The following C11orf58 variants were observed in gnomAD, a reference collection of about 807,000 sequenced individuals.
C11orf58 encodes the protein small acidic protein.
In C11orf58, 5 loss-of-function variants were observed where a neutral mutation model predicts 22.7. That is an observed-to-expected ratio of 0.22 (90% CI 0.12 to 0.46). The LOEUF (loss-of-function observed/expected upper bound fraction) is 0.46. Ranked by LOEUF, C11orf58 falls within the 20% of genes least tolerant of loss-of-function variation. The probability of loss-of-function intolerance (pLI) is 0.99; values close to 1 mark genes in which losing one functional copy is unlikely to be tolerated. For synonymous variants in C11orf58, 71 were observed against 70.7 expected (o/e 1.00, Z -0.02); for missense variants, 151 against 223.3 (o/e 0.68, Z 2.06).
rs934549509 is a variant in C11orf58 at position 16,757,516 on chromosome 11, A to C, written c.*2412A>C. 2.0e-5 allele frequency among the ~76,000 whole-genome samples: 3 copies of C among 152,236 alleles called. No homozygotes were observed. The highest frequency in any genetic ancestry group is 7.2e-5 in the African/African-American group (3 of 41,462). ...TGGCCTGGTTTCCTAGCACCCATTAAACATAATGCTATCTTTTAAGCCTGA... is the reference window on the plus strand; with the variant it reads ...TGGCCTGGTTTCCTAGCACCCATTACACATAATGCTATCTTTTAAGCCTGA... On this transcript the variant is annotated 3_prime_UTR_variant, in exon 5 of 5. Coordinates refer to ENST00000228136, the MANE Select transcript of C11orf58 (RefSeq NM_014267.6).
In C11orf58 at chr11:16,752,840, G is replaced by A; in HGVS notation, c.264G>A (p.Met88Ile). The change falls in exon 4 of 5, where the codon ATG (methionine) becomes ATA (isoleucine). Residue 88 changes from methionine to isoleucine, a missense_variant. Physicochemically the swap from Met to Ile is conservative, Grantham distance 10 (BLOSUM62 1). Transcript: ENST00000228136. ...EELESQYQQS[M>I]DSKLSGRYRR... Reference sequence around the variant, plus strand: ...TGGAGTCTCAATATCAGCAAAGTATGGACAGTAAATTATCAGGAAGATATC... The same window carrying A: ...TGGAGTCTCAATATCAGCAAAGTATAGACAGTAAATTATCAGGAAGATATC... 6.2e-7 allele frequency: 1 copy of A among 1,613,270 alleles called. No homozygotes were observed. Among genetic ancestry groups the A allele is most frequent in the East Asian group, 2.2e-5 (1 of 44,802 alleles).
At chr11:16,754,059 G>T in intron 4 of C11orf58, 1 of 412,056 alleles carries the variant, frequency 2.4e-6, no homozygotes, top group East Asian at 3.5e-5. Flanking sequence ...TTTCATTTAG[G>T]TTTAAAATAA....
chr11:16,740,651 G>A (rs1390092603), intron 1 of C11orf58, among the ~76,000 whole-genome samples: 4 of 151,936 alleles, frequency 2.6e-5, no homozygotes, highest in Admixed American at 1.3e-4. Flanking sequence ...CCAACTACTA[G>A]ACCCAAGCGA....
intron 4 of C11orf58, 96 bp from the exon 5 acceptor site, chr11:16,754,775 T>C (rs1590076490): frequency 6.5e-7 from 1 of 1,538,220 alleles, no homozygotes. Flanking sequence ...GGCTACAAAG[T>C]AGAGTGTTTC....
At chr11:16,741,970 A>G (rs921466407) in intron 1 of C11orf58, among the ~76,000 whole-genome samples, 8 of 152,236 alleles carry the variant, frequency 5.3e-5, no homozygotes, top group African/African-American at 1.2e-4. Context: ...TCCTGAAACC[A>G]TCACATCCTC....
At chr11:16,743,797 ATGAAC>A (rs1347744638) in intron 1 of C11orf58, among the ~76,000 whole-genome samples, 1 of 152,004 alleles carries the variant, frequency 6.6e-6, no homozygotes, top group Non-Finnish European at 1.5e-5. Context: ...ATTATAAATA[ATGAAC>A]TATTAAAAAC....
intron 2 of C11orf58, among the ~76,000 whole-genome samples, chr11:16,746,231 T>C (rs1193435941): frequency 6.6e-6 from 1 of 152,244 alleles, no homozygotes. Context: ...GAAGAGGTCA[T>C]GTAAAACACT....
At chr11:16,738,882 T>G (rs761034522) in intron 1 of C11orf58, 41 bp downstream of exon 1, 4 of 1,611,252 alleles carry the variant, frequency 2.5e-6, no homozygotes, top group Non-Finnish European at 1.7e-6. Context: ...TGAGGCCTAC[T>G]AAAGCCTGGA....
intron 2 of C11orf58, among the ~76,000 whole-genome samples, chr11:16,746,456 C>T (rs1252343554): frequency 6.6e-6 from 1 of 152,102 alleles, no homozygotes; most frequent in Non-Finnish European, 1.5e-5. Flanking sequence ...AAATTGTTTT[C>T]ATTATAGGTT....
intron 1 of C11orf58, among the ~76,000 whole-genome samples, chr11:16,742,781 A>C (rs990122047): frequency 1.3e-5 from 2 of 152,196 alleles, no homozygotes; most frequent in South Asian, 4.1e-4. Flanking sequence ...AACAATAGCA[A>C]ACCGAAATTT....
rs375970889 is a variant in C11orf58 at position 16,754,993 on chromosome 11, T to C, written c.441T>C (p.Ser147=). 173 of 1,614,042 alleles carry C rather than the reference T, an allele frequency of 1.1e-4. No homozygotes were observed. The highest frequency in any genetic ancestry group is 1.1e-4 in the Non-Finnish European group (126 of 1,180,030). The change falls in exon 5 of 5, where the codon TCT becomes TCC. Residue 147 remains serine (S), a synonymous_variant. Transcript: ENST00000228136. ...ESDSESEKEE[S]AEELQAAEHP... is the part of the protein sequence containing the mutation. ...ATTCAGAGTCAGAGAAAGAAGAATC[T>C]GCTGAAGAACTCCAAGCTGCTGAGC...
intron 4 of C11orf58, among the ~76,000 whole-genome samples, chr11:16,753,515 G>A (rs1018892921): frequency 1.3e-5 from 2 of 151,822 alleles, no homozygotes; most frequent in Admixed American, 6.6e-5. Flanking sequence ...GGTGCATGCC[G>A]CCACACCAGG....
chr11:16,745,649 A>G (rs1848482117), intron 2 of C11orf58, among the ~76,000 whole-genome samples: 1 of 152,154 alleles, frequency 6.6e-6, no homozygotes, highest in African/African-American at 2.4e-5. Context: ...AGTATATTCA[A>G]GTATAAGTGG....
intron 1 of C11orf58, among the ~76,000 whole-genome samples, chr11:16,739,956 G>C (rs966173819): frequency 1.3e-5 from 2 of 152,176 alleles, no homozygotes; most frequent in Admixed American, 6.5e-5. Flanking sequence ...GTGGGGCGAG[G>C]ACCGGAATAT....
intron 3 of C11orf58, among the ~76,000 whole-genome samples, chr11:16,748,859 A>T (rs1848509533): frequency 6.6e-6 from 1 of 152,194 alleles, no homozygotes; most frequent in Non-Finnish European, 1.5e-5. Context: ...ATGATATTCT[A>T]ACCAAGAAAC....
chr11:16,741,124 A>T (rs1848445064), intron 1 of C11orf58, among the ~76,000 whole-genome samples: 1 of 151,618 alleles, frequency 6.6e-6, no homozygotes, highest in Admixed American at 6.6e-5. Flanking sequence ...TCTAGTTATA[A>T]TATATAGTTG....
intron 3 of C11orf58, 116 bp downstream of exon 3, chr11:16,748,273 T>A: frequency 1.2e-6 from 1 of 863,788 alleles, no homozygotes; most frequent in East Asian, 2.9e-5. Flanking sequence ...TAAAATATTA[T>A]AATTAGAGCT....
At position 16,758,169 on chromosome 11, in the gene C11orf58, C is replaced by A. The variant is rs1848596742; in HGVS notation, c.*3065C>A. The stretch of plus-strand genomic sequence containing the variant: ...GTAGTCTGTTTCCACCTCTGTAAGT[C>A]CTATCTAGGCTTCCTGATCTATCAA... On this transcript the variant is annotated 3_prime_UTR_variant, in exon 5 of 5. Coordinates refer to ENST00000228136, the MANE Select transcript of C11orf58 (RefSeq NM_014267.6). 6.6e-6 allele frequency among the ~76,000 whole-genome samples: 1 copy of A among 152,090 alleles called. No homozygotes were observed. Among genetic ancestry groups the A allele is most frequent in the South Asian group, 2.1e-4 (1 of 4,826 alleles).
intron 1 of C11orf58, 107 bp from the exon 2 acceptor site, chr11:16,744,494 A>T: frequency 3.8e-6 from 3 of 795,542 alleles, no homozygotes; most frequent in Admixed American, 2.3e-5. Flanking sequence ...CGCTGTTTAT[A>T]GTTACAACTG....
Sources: allele counts gnomAD v4.1 joint callset (sites outside exome capture counted in the v4.1 genomes callset), GRCh38; gene constraint gnomAD v4.1.1; transcripts MANE v1.5; gene names NCBI Gene and HGNC (gene_info 2026-07-23, HGNC 2026-07-21).